Variants in WDFY4 observed in about 807,000 individuals in gnomAD.
WDFY4 encodes WD repeat- and FYVE domain-containing protein 4.
A neutral mutation model predicts 351.9 loss-of-function variants in WDFY4; 169 were observed. The ratio of observed to expected loss-of-function variants is 0.48; its 90% CI spans 0.42 to 0.55. The LOEUF (loss-of-function observed/expected upper bound fraction) is 0.55. Among genes scored for constraint, WDFY4 ranks in the 20% least tolerant of loss-of-function variants. The pLI, the probability that WDFY4 is intolerant of heterozygous loss-of-function variation, is 0.00. For synonymous variants in WDFY4, 1,622 were observed against 1,574.6 expected (o/e 1.03, Z -0.71); for missense variants, 3,803 against 3,935.6 (o/e 0.97, Z 0.90).
intron 1 of WDFY4, among the ~76,000 whole-genome samples, chr10:48,689,036 C>A (rs2063128829): frequency 6.6e-6 from 1 of 152,160 alleles, no homozygotes; most frequent in Non-Finnish European, 1.5e-5. Flanking sequence ...TGGCCCCCTC[C>A]ACCCCCACCC....
At chr10:48,864,616 A>G (rs2069475124) in intron 39 of WDFY4, among the ~76,000 whole-genome samples, 1 of 152,194 alleles carries the variant, frequency 6.6e-6, no homozygotes, top group African/African-American at 2.4e-5. Context: ...TTTTTGCAAA[A>G]AAGAGTGATC....
At chr10:48,919,636 G>A (rs56231975) in intron 47 of WDFY4, among the ~76,000 whole-genome samples, 34,761 of 152,104 alleles carry the variant, frequency 0.23, 4,873 homozygotes, top group East Asian at 0.39. Flanking sequence ...TTTTCTTGCC[G>A]TGTCCTCACA....
intron 35 of WDFY4, among the ~76,000 whole-genome samples, chr10:48,825,712 T>C (rs11101528): frequency 0.19 from 29,182 of 152,088 alleles, 3,757 homozygotes; most frequent in African/African-American, 0.37. Flanking sequence ...ATCAGTGATA[T>C]GGCACTTTTT....
chr10:48,689,550 T>G (rs2063142678), intron 1 of WDFY4, among the ~76,000 whole-genome samples: 1 of 152,248 alleles, frequency 6.6e-6, no homozygotes, highest in Non-Finnish European at 1.5e-5. Context: ...TAATTTAACC[T>G]ATTTATTTTT....
Position 48,788,667 on chromosome 10 carries a change from G to T in WDFY4, c.3946G>T (p.Ala1316Ser). ...CAATGAGGTGGACAGCCGCCTGATC[G>T]CCAAAGAGGTACATCTTCTAACTTC... ...AYNEVDSRLI[A>S]KEMNISSRDN... The change falls in exon 21 of 62, where the codon GCC (alanine) becomes TCC (serine). Residue 1316 changes from alanine to serine, a missense_variant. Transcript: ENST00000325239. 1.3e-6 allele frequency: 2 copies of T among 1,551,536 alleles called. No individual in the cohort carries two copies. Among genetic ancestry groups the T allele is most frequent in the Non-Finnish European group, 8.7e-7 (1 of 1,146,894 alleles).
At chr10:48,931,606 CT>C (rs34375637) in intron 47 of WDFY4, among the ~76,000 whole-genome samples, 6 of 152,318 alleles carry the variant, frequency 3.9e-5, no homozygotes, top group Middle Eastern at 3.4e-3. Flanking sequence ...CTGTGGCCTA[CT>C]TTTTGAAGGA....
chr10:48,931,093 TCAAACACACA>T (rs756891541), intron 47 of WDFY4, among the ~76,000 whole-genome samples: 1 of 44,314 alleles, frequency 2.3e-5, no homozygotes, highest in African/African-American at 6.0e-5. Context: ...ACACTCACAC[TCAAACACACA>T]CACACACACA....
intron 11 of WDFY4, among the ~76,000 whole-genome samples, chr10:48,741,174 T>C (rs1371093847): frequency 6.6e-6 from 1 of 152,112 alleles, no homozygotes; most frequent in Non-Finnish European, 1.5e-5. Flanking sequence ...CCTCCTGTGT[T>C]CTCTGACCTG....
intron 61 of WDFY4, 69 bp downstream of exon 61, chr10:48,981,547 T>A (rs1257481843): frequency 1.4e-6 from 2 of 1,457,282 alleles, no homozygotes; most frequent in Admixed American, 4.0e-5. Context: ...AAAGCCCCAG[T>A]GGCTCTGAGT....
rs1379494583 is a variant in WDFY4, at chr10:48,943,753, T to C, written c.7749+304T>C. Reference sequence around the variant, plus strand: ...GATTACAGGAGTGCACCACCATGCCTGGCTAATTTTTTTTGTATTTTAGTA... The same window carrying C: ...GATTACAGGAGTGCACCACCATGCCCGGCTAATTTTTTTTGTATTTTAGTA... On this transcript the variant is annotated intron_variant, in intron 49 of 61. Transcript: ENST00000325239. 5.9e-5 allele frequency among the ~76,000 whole-genome samples: 9 copies of C among 152,300 alleles called. No individual in the cohort carries two copies. In the East Asian group the frequency reaches 1.7e-3, roughly 29 times the overall value.
intron 24 of WDFY4, among the ~76,000 whole-genome samples, chr10:48,802,210 C>T (rs1247632072): frequency 6.6e-6 from 1 of 151,918 alleles, no homozygotes; most frequent in Non-Finnish European, 1.5e-5. Context: ...CCCCACTCTA[C>T]AAAAAAATTT....
intron 20 of WDFY4, among the ~76,000 whole-genome samples, chr10:48,788,147 C>T (rs2132723639): frequency 1.3e-5 from 2 of 151,978 alleles, no homozygotes; most frequent in Middle Eastern, 6.8e-3. Flanking sequence ...CCTGCCTCAG[C>T]CTGCCAAGTA....
At position 48,741,479 on chromosome 10, in the gene WDFY4, AAT is replaced by A. The variant is rs1486636388; in HGVS notation, c.1879-1488_1879-1487del. Among the ~76,000 whole-genome samples the A allele has an allele frequency of 1.1e-4, 15 of 138,546 alleles. 1 individual carries two copies. Among genetic ancestry groups the A allele is most frequent in the African/African-American group, 2.6e-4 (10 of 38,374 alleles). The allele number at this position is 138,546 out of a possible 152,430, so 90.9% of individuals were successfully genotyped here. A position where few individuals can be genotyped will look rare whatever the true frequency, so the allele number is the denominator to read the frequency against. ...AAAAAAAAAAAAAAAAAAAAAAAAA[AAT>A]GGAGCTCCCAAAGTGCATGACTTCA... On this transcript the variant is annotated intron_variant, in intron 11 of 61. Transcript: ENST00000325239.
chr10:48,882,611 G>A (rs575545794), intron 43 of WDFY4, among the ~76,000 whole-genome samples: 6 of 152,136 alleles, frequency 3.9e-5, no homozygotes, highest in Non-Finnish European at 8.8e-5. Flanking sequence ...TTTTGGTGAG[G>A]CCTCAGGAAG....
intron 39 of WDFY4, among the ~76,000 whole-genome samples, chr10:48,842,493 C>A (rs371266399): frequency 6.6e-6 from 1 of 152,084 alleles, no homozygotes; most frequent in Non-Finnish European, 1.5e-5. Context: ...GAGGAGGACG[C>A]CTTGTTCTCA....
rs145134328 is a variant in WDFY4 at position 48,769,461 on chromosome 10, A to T, written c.2554-4997A>T. Among the ~76,000 whole-genome samples, 942 of 152,294 alleles carry T rather than the reference A, an allele frequency of 6.2e-3. 10 individuals are homozygous for T. Among genetic ancestry groups the T allele is most frequent in the African/African-American group, 0.022 (913 of 41,538 alleles). On this transcript the variant is annotated intron_variant, in intron 13 of 61. Coordinates refer to ENST00000325239, the MANE Select transcript of WDFY4 (RefSeq NM_001394531.1). ...TTTGATAAAGAGCTTAAGTCACTTAAAGTCTATCATCTCTCTTCAAAATCA... is the reference window on the plus strand; with the variant it reads ...TTTGATAAAGAGCTTAAGTCACTTATAGTCTATCATCTCTCTTCAAAATCA...
intron 12 of WDFY4, among the ~76,000 whole-genome samples, chr10:48,748,826 G>A (rs1306861973): frequency 2.0e-5 from 3 of 152,138 alleles, no homozygotes; most frequent in East Asian, 1.9e-4. Flanking sequence ...CAGGGTGCTC[G>A]TCTCTGCCGT....
intron 1 of WDFY4, among the ~76,000 whole-genome samples, chr10:48,688,980 C>A (rs374146254): frequency 1.3e-5 from 2 of 152,254 alleles, no homozygotes; most frequent in South Asian, 4.1e-4. Context: ...TTTGGTCATA[C>A]AAAGATGGAG....
Position 48,806,040 on chromosome 10 carries a change from G to T in WDFY4, c.4683G>T (p.Ser1561=), listed in dbSNP as rs550924468. The part of the protein sequence containing the change: ...GLFVVYTLKP[S]SVNERQICMD... Reference sequence around the variant, plus strand: ...TTGTTGTGTACACCCTCAAGCCTTCGTCGGTGAATGAGAGGCAGATCTGCA... The same window carrying T: ...TTGTTGTGTACACCCTCAAGCCTTCTTCGGTGAATGAGAGGCAGATCTGCA... Residue 1561 remains serine, a synonymous_variant, in exon 27 of 62, where the codon TCG becomes TCT. Transcript: ENST00000325239. 1.2e-5 allele frequency: 19 copies of T among 1,551,662 alleles called. No individual in the cohort carries two copies. In the Admixed American group the frequency reaches 3.1e-4, roughly 26 times the overall value.
Sources: allele counts gnomAD v4.1 joint callset (sites outside exome capture counted in the v4.1 genomes callset), GRCh38; gene constraint gnomAD v4.1.1; transcripts MANE v1.5; gene names NCBI Gene and HGNC (gene_info 2026-07-23, HGNC 2026-07-21).